GLP2R: variants seen among roughly 807,000 people sequenced by gnomAD.
GLP2R encodes glucagon like peptide 2 receptor, also known as glucagon-like peptide 2 receptor.
In GLP2R, 59 loss-of-function variants were observed where a neutral mutation model predicts 68.2. The observed-to-expected ratio is 0.87, with a 90% confidence interval of 0.70 to 1.07. The LOEUF is 1.07. Ranked by LOEUF, GLP2R falls within the 50% of genes least tolerant of loss-of-function variation. GLP2R has a pLI of 0.00. For missense variants in GLP2R, 548 were observed against 677.4 expected, an observed-to-expected ratio of 0.81 and a Z score of 2.12; for synonymous variants, 270 against 265.4, an observed-to-expected ratio of 1.02 and a Z score of -0.17.
chr17:9,859,848 A>AAAG (rs2066970501), intron 6 of GLP2R, 94 bp from the exon 7 acceptor site: 4 of 350,302 alleles, frequency 1.1e-5, no homozygotes, highest in Non-Finnish European at 2.1e-5. Context: ...AAAAAAAAAG[A>AAAG]GGGAGAGGTT....
At chr17:9,862,333 C>A (rs181933856) in intron 9 of GLP2R, among the ~76,000 whole-genome samples, 1 of 152,322 alleles carries the variant, frequency 6.6e-6, no homozygotes, top group East Asian at 1.9e-4. Flanking sequence ...GACCTGCAGT[C>A]AGCTCTGTGC....
intron 9 of GLP2R, among the ~76,000 whole-genome samples, chr17:9,869,835 C>T (rs9906440): frequency 0.015 from 2,353 of 152,278 alleles, 64 homozygotes; most frequent in African/African-American, 0.052. Flanking sequence ...ATATTCTTTT[C>T]GTTAAGTGCA....
intron 5 of GLP2R, among the ~76,000 whole-genome samples, chr17:9,857,106 G>C (rs2066940726): frequency 6.6e-6 from 1 of 152,112 alleles, no homozygotes; most frequent in Non-Finnish European, 1.5e-5. Flanking sequence ...ATTATTAGTA[G>C]AGGTGGGGTT....
At chr17:9,848,509 C>A (rs1404107913) in intron 4 of GLP2R, among the ~76,000 whole-genome samples, 1 of 152,146 alleles carries the variant, frequency 6.6e-6, no homozygotes, top group Non-Finnish European at 1.5e-5. Flanking sequence ...CACAAGTGTG[C>A]GGACACAGTA....
chr17:9,865,088 C>A (rs923965454), intron 9 of GLP2R, among the ~76,000 whole-genome samples: 11 of 152,272 alleles, frequency 7.2e-5, no homozygotes, highest in African/African-American at 2.2e-4. Context: ...TCTTCCCATT[C>A]AGACCTCTCC....
chr17:9,866,023 C>T, intron 9 of GLP2R: 1 of 423,630 alleles, frequency 2.4e-6, no homozygotes, highest in South Asian at 1.8e-5. Context: ...TGCTGCCCTC[C>T]CAATCTGCAC....
At chr17:9,870,258 T>C (rs918029028) in intron 9 of GLP2R, among the ~76,000 whole-genome samples, 17 of 152,196 alleles carry the variant, frequency 1.1e-4, no homozygotes, top group Admixed American at 1.1e-3. Flanking sequence ...TAAAAATAGT[T>C]GTGGCTACCT....
chr17:9,840,331 C>T (rs904389217), intron 3 of GLP2R, among the ~76,000 whole-genome samples: 11 of 152,146 alleles, frequency 7.2e-5, no homozygotes, highest in Admixed American at 5.2e-4. Flanking sequence ...TAATCGTTTA[C>T]GGCGATTTTT....
intron 5 of GLP2R, among the ~76,000 whole-genome samples, chr17:9,855,716 C>T (rs768942762): frequency 2.6e-5 from 4 of 152,184 alleles, no homozygotes; most frequent in Non-Finnish European, 5.9e-5. Context: ...CCACTTTAGA[C>T]GTGAGTTAAC....
At chr17:9,838,429 C>G (rs2066753987) in intron 3 of GLP2R, among the ~76,000 whole-genome samples, 1 of 152,136 alleles carries the variant, frequency 6.6e-6, no homozygotes, top group Non-Finnish European at 1.5e-5. Context: ...TGGATTCCTT[C>G]AAGTCTAGAG....
intron 1 of GLP2R, among the ~76,000 whole-genome samples, chr17:9,833,126 G>A (rs969809374): frequency 3.9e-5 from 6 of 152,086 alleles, no homozygotes; most frequent in African/African-American, 9.6e-5. Flanking sequence ...AGCTGAGCAC[G>A]GTGGTGCGCA....
intron 10 of GLP2R, among the ~76,000 whole-genome samples, chr17:9,875,092 CCTAT>C (rs1282688380): frequency 6.6e-6 from 1 of 152,164 alleles, no homozygotes; most frequent in Admixed American, 6.5e-5. Flanking sequence ...AAGGCAGGGA[CCTAT>C]CTCTCAGGAC....
At chr17:9,883,940 G>A (rs1287306026) in intron 11 of GLP2R, among the ~76,000 whole-genome samples, 1 of 152,170 alleles carries the variant, frequency 6.6e-6, no homozygotes, top group Admixed American at 6.5e-5. Flanking sequence ...GGAAAAGGTA[G>A]ATACACAGGT....
At chr17:9,844,874 A>G (rs1220789148) in intron 4 of GLP2R, among the ~76,000 whole-genome samples, 3 of 150,932 alleles carry the variant, frequency 2.0e-5, no homozygotes, top group Non-Finnish European at 4.4e-5. Context: ...TATCTTTAGT[A>G]GAGACGGGGT....
intron 11 of GLP2R, among the ~76,000 whole-genome samples, chr17:9,885,151 A>T (rs997425622): frequency 1.3e-5 from 1 of 79,938 alleles, no homozygotes; most frequent in Non-Finnish European, 2.3e-5. Flanking sequence ...TAACCATTTT[A>T]TTATTATTAT....
chr17:9,889,249 C>T (rs2067268991), intron 12 of GLP2R, 121 bp from the exon 13 acceptor site: 1 of 638,914 alleles, frequency 1.6e-6, no homozygotes, highest in Non-Finnish European at 2.7e-6. Flanking sequence ...CCTTGTCTCC[C>T]CCAGTTAAAA....
intron 9 of GLP2R, among the ~76,000 whole-genome samples, chr17:9,870,546 C>G (rs1351537854): frequency 6.6e-6 from 1 of 152,062 alleles, no homozygotes; most frequent in Non-Finnish European, 1.5e-5. Flanking sequence ...TTCAGATGGC[C>G]TTTGGGACAG....
chr17:9,878,308 G>A (rs1191935527), intron 10 of GLP2R, among the ~76,000 whole-genome samples: 1 of 152,160 alleles, frequency 6.6e-6, no homozygotes, highest in Non-Finnish European at 1.5e-5. Context: ...ACTTTTTCTA[G>A]AAATATTATT....
rs114472608 is a variant in GLP2R, at chr17:9,884,885, A to G, written c.1285-3047A>G. ...GGTAGTCCTAAATTAGAGGGGGAAA[A>G]AAAACTCTGCAGCTGTTATGTAGTA... On this transcript the variant is annotated intron_variant, in intron 11 of 12. Transcript: ENST00000262441. Among the ~76,000 whole-genome samples the G allele has an allele frequency of 5.2e-3, 797 of 152,204 alleles. 8 individuals are homozygous for G. The highest frequency in any genetic ancestry group is 0.018 in the African/African-American group (762 of 41,528).
Sources: allele counts gnomAD v4.1 joint callset (sites outside exome capture counted in the v4.1 genomes callset), GRCh38; gene constraint gnomAD v4.1.1; transcripts MANE v1.5; gene names NCBI Gene and HGNC (gene_info 2026-07-23, HGNC 2026-07-21).